The following POSTN variants were observed in gnomAD, a reference collection of about 807,000 sequenced individuals.
POSTN encodes the protein periostin.
POSTN carries 71 observed loss-of-function variants against 104.5 expected under a neutral mutation model. The ratio of observed to expected loss-of-function variants is 0.68; its 90% CI spans 0.56 to 0.83. The LOEUF is 0.83. POSTN is among the 40% of genes least tolerant of loss of function. The pLI is 0.00. For synonymous variants in POSTN, 355 were observed against 340.7 expected (o/e 1.04, Z -0.46); for missense variants, 949 against 1,006.8 (o/e 0.94, Z 0.78).
At position 37,597,243 on chromosome 13, in the gene POSTN, T is replaced by C; in HGVS notation, c.159A>G (p.Lys53=). Residue 53 remains lysine (K), a synonymous_variant, in exon 2 of 23, where the codon AAA becomes AAG. Coordinates refer to ENST00000379747, the MANE Select transcript of POSTN (RefSeq NM_006475.3). ...TCTTACAAGTGCTGAAGTATTTCTT[T>C]TTGGTGCCCAAAATCTGTTGAAGGG... ...VCALQQILGT[K]KKYFSTCKNW... The C allele has an allele frequency of 6.3e-7, 1 of 1,587,534 alleles. No homozygotes were observed. Among genetic ancestry groups the C allele is most frequent in the Non-Finnish European group, 8.5e-7 (1 of 1,170,388 alleles).
Position 37,598,740 on chromosome 13 carries a change from G to A in POSTN, c.-14C>T, listed in dbSNP as rs529347707. 78 of 1,611,110 alleles carry A rather than the reference G, an allele frequency of 4.8e-5. No individual in the cohort carries two copies. The highest frequency in any genetic ancestry group is 4.3e-4 in the South Asian group (39 of 90,862). ...AAAGGGAATCATCTTGAGTCTCTCC[G>A]TTGCAGTTAGTCCCCGAAGAGAACT... On this transcript the variant is annotated 5_prime_UTR_variant, in exon 1 of 23. It adds an upstream start codon to the 5' untranslated region. Coordinates refer to ENST00000379747, the MANE Select transcript of POSTN (RefSeq NM_006475.3).
At chr13:37,579,796 A>AAGCTTGAG in intron 12 of POSTN, 65 bp downstream of exon 12, 6 of 1,545,002 alleles carry the variant, frequency 3.9e-6, no homozygotes, top group Non-Finnish European at 4.4e-6. Flanking sequence ...CTGGACAGGA[A>AAGCTTGAG]AGCTTGAGAA....
chr13:37,569,643 A>C, intron 20 of POSTN, 101 bp downstream of exon 20: 1 of 976,676 alleles, frequency 1.0e-6, no homozygotes, highest in Non-Finnish European at 1.6e-6. Flanking sequence ...GGAAATGAAC[A>C]ATAGATTGAG....
Position 37,586,812 on chromosome 13 carries a change from A to C in POSTN, c.723T>G (p.Ile241Met), listed in dbSNP as rs1950759557. Residue 241 changes from isoleucine to methionine, a missense_variant, in exon 6 of 23, where the codon ATT becomes ATG. By Grantham distance (10) the Ile-to-Met change is conservative. Transcript: ENST00000379747. ...AAGATGAAAGGTCATCTTCTGCTTC[A>C]ATGAAGTCTTGAATTGAGGTACCAA... ...TQIGTSIQDF[I>M]EAEDDLSSFR... 1.2e-6 allele frequency: 2 copies of C among 1,613,390 alleles called. No homozygotes were observed. The highest frequency in any genetic ancestry group is 2.2e-5 in the South Asian group (2 of 91,042).
At chr13:37,583,058 A>T (rs1419403729) in intron 9 of POSTN, among the ~76,000 whole-genome samples, 1 of 152,236 alleles carries the variant, frequency 6.6e-6, no homozygotes, top group East Asian at 1.9e-4. Context: ...TGGAAAAACA[A>T]AAAATTGTGT....
chr13:37,591,908 A>G lies in POSTN; in HGVS notation c.283+192T>C, dbSNP rs17056128. On this transcript the variant is annotated intron_variant, in intron 3 of 22. Coordinates refer to ENST00000379747, the MANE Select transcript of POSTN (RefSeq NM_006475.3). ...CTAAGTTTCTGTTGTATTGCCCAGC[A>G]TCCAGTGCATGAGAAATATGCTCTT... 7.9e-3 allele frequency among the ~76,000 whole-genome samples: 1,208 copies of G among 152,284 alleles called. 14 individuals are homozygous for G. The highest frequency in any genetic ancestry group is 0.027 in the African/African-American group (1,116 of 41,562).
chr13:37,577,059 C>T (rs1322966859), intron 16 of POSTN, among the ~76,000 whole-genome samples: 1 of 151,788 alleles, frequency 6.6e-6, no homozygotes, highest in Non-Finnish European at 1.5e-5. Context: ...TGCTTGAAAG[C>T]TACAGTGAAA....
In POSTN at chr13:37,597,076, T is replaced by G. The variant is rs1317109532; in HGVS notation, c.218+108A>C. The G allele has an allele frequency of 6.5e-6, 4 of 617,536 alleles. No homozygotes were observed. In the East Asian group the frequency reaches 9.6e-5, roughly 15 times the overall value. The allele number at this position is 617,536 out of a possible 1,614,324, so 38.3% of individuals were successfully genotyped here. ...TCTTTTCTTTAAATAACTCTCACAA[T>G]TTTGGTCAGTATTTTCAAGAAGAAT... On this transcript the variant is annotated intron_variant, in intron 2 of 22. Transcript: ENST00000379747.
At chr13:37,568,663 G>A (rs1950179651) in intron 21 of POSTN, 1 of 150,858 alleles carries the variant, frequency 6.6e-6, no homozygotes, top group Admixed American at 6.6e-5. Flanking sequence ...TACTATGTAG[G>A]GTTTGTGTAA....
Position 37,586,268 on chromosome 13 carries a change from T to A in POSTN, c.766A>T (p.Thr256Ser). 6.2e-7 allele frequency: 1 copy of A among 1,609,032 alleles called. No individual in the cohort carries two copies. Among genetic ancestry groups the A allele is most frequent in the African/African-American group, 1.3e-5 (1 of 74,702 alleles). The part of the protein sequence containing the change: ...DLSSFRAAAI[T>S]SDILEALGRD... ...CCAAGGGCCTCCAATATGTCCGATGTGATGGCAGCTGCCTGAAACACAAAT... is the reference window on the plus strand; with the variant it reads ...CCAAGGGCCTCCAATATGTCCGATGAGATGGCAGCTGCCTGAAACACAAAT... Residue 256 changes from threonine (T) to serine (S), a missense_variant, in exon 7 of 23, where the codon ACA (threonine) becomes TCA (serine). Transcript: ENST00000379747.
chr13:37,574,689 CATAAAAACCTGAACAA>C (rs1375358254), intron 16 of POSTN, 37 bp from the exon 17 acceptor site: 2 of 1,535,682 alleles, frequency 1.3e-6, no homozygotes, highest in African/African-American at 2.8e-5. Context: ...AAAATATTTA[CATAAAAACCTGAACAA>C]AGGTTTTTTT....
chr13:37,567,119 C>T (rs967405326), intron 21 of POSTN, among the ~76,000 whole-genome samples: 2 of 144,028 alleles, frequency 1.4e-5, no homozygotes. Context: ...GCCTGTAGTC[C>T]CAGCTACTTG....
chr13:37,572,987 A>G (rs1040276880), intron 17 of POSTN, among the ~76,000 whole-genome samples: 2 of 151,474 alleles, frequency 1.3e-5, no homozygotes, highest in Admixed American at 6.6e-5. Flanking sequence ...TTTTTCATCC[A>G]TGTTCCCTTT....
At position 37,598,026 on chromosome 13, in the gene POSTN, T is replaced by C. The variant is rs147233210; in HGVS notation, c.119+582A>G. On this transcript the variant is annotated intron_variant, in intron 1 of 22. Transcript: ENST00000379747. ...TGGTTGGATAAGTTACAAAATTATG[T>C]GTAATTTTAAAAATGCTTAGTTGTA... Among the ~76,000 whole-genome samples the C allele has an allele frequency of 4.6e-5, 7 of 152,312 alleles. No homozygotes were observed. The East Asian group carries it at 1.3e-3, about 29-fold the overall frequency.
At chr13:37,571,294 A>G (rs1199041121) in intron 18 of POSTN, 75 bp downstream of exon 18, 3 of 961,700 alleles carry the variant, frequency 3.1e-6, no homozygotes, top group Admixed American at 2.6e-5. Context: ...TCAGATGTTC[A>G]ATATTTCTAA....
At chr13:37,566,541 C>A (rs1950106939) in intron 21 of POSTN, among the ~76,000 whole-genome samples, 1 of 152,146 alleles carries the variant, frequency 6.6e-6, no homozygotes, top group South Asian at 2.1e-4. Context: ...TCCTCACTTT[C>A]AGATGAAGGA....
Position 37,578,874 on chromosome 13 carries a change from A to T in POSTN, c.1932T>A (p.Leu644=). The T allele has an allele frequency of 6.3e-7, 1 of 1,590,476 alleles. No homozygotes were observed. The highest frequency in any genetic ancestry group is 8.5e-7 in the Non-Finnish European group (1 of 1,173,440). ...PVGNDQLLEI[L]NKLIKYIQIK... is the part of the protein sequence containing the mutation. ...TTTGGATGTATTTGATTAATTTATTAAGTATTTCCAGCAGTTGATCATTTC... is the reference window on the plus strand; with the variant it reads ...TTTGGATGTATTTGATTAATTTATTTAGTATTTCCAGCAGTTGATCATTTC... The change falls in exon 15 of 23, where the codon CTT becomes CTA. Residue 644 remains leucine, a synonymous_variant. Coordinates refer to ENST00000379747, the MANE Select transcript of POSTN (RefSeq NM_006475.3).
At chr13:37,580,808 G>C in intron 10 of POSTN, 111 bp from the exon 11 acceptor site, 1 of 1,335,056 alleles carries the variant, frequency 7.5e-7, no homozygotes, top group East Asian at 2.3e-5. Context: ...AGGTTGCCTG[G>C]TGTCTGAGGC....
chr13:37,570,477 T>C (rs1435522116), intron 19 of POSTN, 103 bp downstream of exon 19: 2 of 754,154 alleles, frequency 2.7e-6, no homozygotes, highest in Non-Finnish European at 4.4e-6. Flanking sequence ...TAGTAATCAC[T>C]ATGAAAATGA....
Sources: gnomAD v4.1 joint callset for allele counts (sites outside exome capture counted in the v4.1 genomes callset) on GRCh38, gnomAD v4.1.1 for gene constraint, MANE v1.5 for transcripts, NCBI Gene and HGNC (gene_info 2026-07-23, HGNC 2026-07-21) for gene names.